BCAR3: variants seen among roughly 807,000 people sequenced by gnomAD.
The protein encoded by BCAR3 is breast cancer anti-estrogen resistance protein 3.
A neutral mutation model predicts 80.1 loss-of-function variants in BCAR3; 37 were observed. The ratio of observed to expected loss-of-function variants is 0.46; its 90% confidence interval spans 0.36 to 0.61. The LOEUF (loss-of-function observed/expected upper bound fraction) is 0.61, where lower values mean the gene tolerates loss of function less well. BCAR3 is among the 20% of genes least tolerant of loss of function. The pLI is 0.00. For missense variants in BCAR3, 978 were observed against 1,068.2 expected, an observed-to-expected ratio of 0.92 and a Z score of 1.18; for synonymous variants, 389 against 418.9, an observed-to-expected ratio of 0.93 and a Z score of 0.87.
intron 2 of BCAR3, among the ~76,000 whole-genome samples, chr1:93,734,608 C>G (rs1280225221): frequency 6.6e-6 from 1 of 152,080 alleles, no homozygotes; most frequent in Non-Finnish European, 1.5e-5. Context: ...CATGGGCCAC[C>G]CAGGGCAAAC....
At chr1:93,657,457 AACAG>A (rs1647442029) in intron 2 of BCAR3, among the ~76,000 whole-genome samples, 4 of 152,216 alleles carry the variant, frequency 2.6e-5, no homozygotes, top group African/African-American at 4.8e-5. Flanking sequence ...TGATACCAAA[AACAG>A]ACAAAGTCAG....
At chr1:93,707,758 A>G (rs1256955174) in intron 2 of BCAR3, among the ~76,000 whole-genome samples, 1 of 152,212 alleles carries the variant, frequency 6.6e-6, no homozygotes, top group Admixed American at 6.5e-5. Context: ...AGCCTGGATC[A>G]TTCAGGATGT....
chr1:93,830,731 C>T (rs1449847287), intron 2 of BCAR3, among the ~76,000 whole-genome samples: 1 of 152,198 alleles, frequency 6.6e-6, no homozygotes, highest in Admixed American at 6.5e-5. Flanking sequence ...GGTCTCTTCA[C>T]ACGGACGTGC....
At chr1:93,736,765 GA>G (rs146945455) in intron 2 of BCAR3, among the ~76,000 whole-genome samples, 1,869 of 152,248 alleles carry the variant, frequency 0.012, 18 homozygotes, top group South Asian at 0.025. Flanking sequence ...TAAAAGGAGG[GA>G]AAAAATTCCC....
chr1:93,790,288 T>A (rs1653096083), intron 2 of BCAR3, among the ~76,000 whole-genome samples: 1 of 152,266 alleles, frequency 6.6e-6, no homozygotes, highest in East Asian at 1.9e-4. Context: ...ATTTTGATAG[T>A]TTGTGCTTAA....
intron 6 of BCAR3, among the ~76,000 whole-genome samples, chr1:93,583,444 G>C (rs945696154): frequency 2.0e-5 from 3 of 152,126 alleles, no homozygotes; most frequent in African/African-American, 7.2e-5. Flanking sequence ...AGGGGCATTA[G>C]GAAAATCCCT....
At chr1:93,835,449 T>C (rs932924859) in intron 2 of BCAR3, among the ~76,000 whole-genome samples, 1 of 152,026 alleles carries the variant, frequency 6.6e-6, no homozygotes, top group Non-Finnish European at 1.5e-5. Flanking sequence ...TCCCACCTAC[T>C]CTCCCACTGA....
chr1:93,714,698 G>A (rs6671646), intron 2 of BCAR3, among the ~76,000 whole-genome samples: 7,326 of 151,136 alleles, frequency 0.048, 585 homozygotes, highest in African/African-American at 0.17. Flanking sequence ...AACTAAGACC[G>A]CCTTTCTTTT....
chr1:93,766,070 T>C (rs1359297973), intron 2 of BCAR3, among the ~76,000 whole-genome samples: 11 of 152,224 alleles, frequency 7.2e-5, no homozygotes, highest in Admixed American at 6.5e-4. Flanking sequence ...TTGTACCCTT[T>C]GACCATCATC....
At chr1:93,732,579 T>C (rs1379476848) in intron 2 of BCAR3, among the ~76,000 whole-genome samples, 1 of 151,618 alleles carries the variant, frequency 6.6e-6, no homozygotes, top group African/African-American at 2.4e-5. Context: ...ATCACACCAC[T>C]GAACTTCAGC....
intron 3 of BCAR3, among the ~76,000 whole-genome samples, chr1:93,689,898 T>G (rs1357660262): frequency 6.6e-6 from 1 of 152,194 alleles, no homozygotes; most frequent in African/African-American, 2.4e-5. Flanking sequence ...AAAACCTGAC[T>G]TGCTTGGATG....
chr1:93,593,671 G>A (rs798216), intron 3 of BCAR3, among the ~76,000 whole-genome samples: 1 of 151,956 alleles, frequency 6.6e-6, no homozygotes, highest in South Asian at 2.1e-4. Flanking sequence ...CACCATGCCC[G>A]GCCTATTACA....
chr1:93,733,270 A>G (rs575500612), intron 2 of BCAR3, among the ~76,000 whole-genome samples: 1 of 152,164 alleles, frequency 6.6e-6, no homozygotes, highest in African/African-American at 2.4e-5. Flanking sequence ...GACACACCAA[A>G]CCAGAAGAGT....
At chr1:93,605,560 A>T (rs557066215) in intron 3 of BCAR3, 1 of 152,370 alleles carries the variant, frequency 6.6e-6, no homozygotes, top group Admixed American at 6.5e-5. Context: ...CTAATAAAAG[A>T]GTTTGAAAAC....
chr1:93,778,933 T>C (rs1024020252), intron 2 of BCAR3, among the ~76,000 whole-genome samples: 2 of 152,202 alleles, frequency 1.3e-5, no homozygotes, highest in African/African-American at 4.8e-5. Context: ...GTCTTTGTTA[T>C]TGAAAGCCTC....
At chr1:93,739,528 A>G (rs915369326) in intron 2 of BCAR3, among the ~76,000 whole-genome samples, 3 of 152,212 alleles carry the variant, frequency 2.0e-5, no homozygotes, top group Admixed American at 1.3e-4. Context: ...AACCTTGCCT[A>G]TAGAAATGTA....
intron 11 of BCAR3, 147 bp from the exon 12 acceptor site, chr1:93,562,566 G>T: frequency 1.6e-6 from 1 of 613,800 alleles, no homozygotes; most frequent in Non-Finnish European, 2.7e-6. Flanking sequence ...TCAGGAGATC[G>T]AGACCATCCT....
At chr1:93,710,949 C>T (rs1032493169) in intron 2 of BCAR3, among the ~76,000 whole-genome samples, 5 of 152,198 alleles carry the variant, frequency 3.3e-5, no homozygotes, top group African/African-American at 1.2e-4. Flanking sequence ...GGATCTCCTG[C>T]CACGCTCACT....
chr1:93,817,789 T>TC (rs767961216), intron 2 of BCAR3, among the ~76,000 whole-genome samples: 15 of 152,120 alleles, frequency 9.9e-5, no homozygotes, highest in East Asian at 3.9e-4. Context: ...TAGCCCTGTT[T>TC]ACCCCCCCAC....
Sources: allele counts gnomAD v4.1 joint callset (sites outside exome capture counted in the v4.1 genomes callset), GRCh38; gene constraint gnomAD v4.1.1; transcripts MANE v1.5; gene names NCBI Gene and HGNC (gene_info 2026-07-23, HGNC 2026-07-21).